ANK2: variants seen among roughly 807,000 people sequenced by gnomAD.
The protein encoded by ANK2 is ankyrin 2, also known as ankyrin-2.
Under a neutral mutation model 360.5 loss-of-function variants are expected in ANK2, and 83 were observed. That is an observed-to-expected ratio of 0.23 (90% CI 0.19 to 0.28). The LOEUF (loss-of-function observed/expected upper bound fraction) is 0.28, where lower values mean the gene tolerates loss of function less well. ANK2 is among the 10% of genes least tolerant of loss of function. ANK2 has a pLI of 1.00. For missense variants in ANK2, 4,201 were observed against 4,795.7 expected (o/e 0.88, Z 3.66); for synonymous variants, 1,740 against 1,759.5 (o/e 0.99, Z 0.28).
chr4:113,317,767 C>T lies in ANK2; in HGVS notation c.2754C>T (p.Asp918=), dbSNP rs1445606491. 11 of 1,614,146 alleles carry T rather than the reference C, an allele frequency of 6.8e-6. 1 individual carries two copies. Among genetic ancestry groups the T allele is most frequent in the Non-Finnish European group, 7.6e-6 (9 of 1,180,008 alleles). The change falls in exon 25 of 46, where the codon GAC becomes GAT. Residue 918 remains aspartate (D), a synonymous_variant. Coordinates refer to ENST00000357077, the MANE Select transcript of ANK2 (RefSeq NM_001148.6). Reference sequence around the variant, plus strand: ...TGAGCCATGCCTCCTACCTGAGGGACAGTGCCGTGATGGATGACTCAGTTG... The same window carrying T: ...TGAGCCATGCCTCCTACCTGAGGGATAGTGCCGTGATGGATGACTCAGTTG... ...HTLSHASYLR[D]SAVMDDSVVI...
intron 2 of ANK2, among the ~76,000 whole-genome samples, chr4:113,025,615 G>A (rs932406143): frequency 3.9e-5 from 6 of 152,136 alleles, no homozygotes; most frequent in Admixed American, 3.9e-4. Context: ...CAAAATGAAT[G>A]CAACTCTCTC....
intron 1 of ANK2, among the ~76,000 whole-genome samples, chr4:113,156,631 G>A (rs960077254): frequency 6.6e-6 from 1 of 151,788 alleles, no homozygotes; most frequent in Non-Finnish European, 1.5e-5. Context: ...CCAAAGTGCT[G>A]GGATTACAGG....
intron 23 of ANK2, among the ~76,000 whole-genome samples, chr4:113,305,638 A>G (rs2076952425): frequency 6.6e-6 from 1 of 152,196 alleles, no homozygotes; most frequent in Non-Finnish European, 1.5e-5. Flanking sequence ...TTTCATGGAA[A>G]AAATTAGTGT....
chr4:113,262,063 A>C (rs529034258), intron 13 of ANK2, among the ~76,000 whole-genome samples: 4 of 152,270 alleles, frequency 2.6e-5, no homozygotes, highest in South Asian at 2.1e-4. Context: ...TACATAAATA[A>C]ATAAATAATA....
At chr4:113,189,184 A>G (rs2098606086) in intron 2 of ANK2, among the ~76,000 whole-genome samples, 2 of 152,166 alleles carry the variant, frequency 1.3e-5, no homozygotes, top group Non-Finnish European at 2.9e-5. Context: ...TCTCAGACAT[A>G]CCTGAAATTG....
chr4:113,363,370 C>A lies in ANK2; in HGVS notation c.10789C>A (p.Gln3597Lys). 1 of 1,613,366 alleles carries A rather than the reference C, an allele frequency of 6.2e-7. No individual in the cohort carries two copies. The highest frequency in any genetic ancestry group is 8.5e-7 in the Non-Finnish European group (1 of 1,179,606). ...AAGAGAACTGGATTTCACTGAGGAGCAAATTCATCAAATTCGAATTGAAAA... is the reference window on the plus strand; with the variant it reads ...AAGAGAACTGGATTTCACTGAGGAGAAAATTCATCAAATTCGAATTGAAAA... ...LARELDFTEE[Q>K]IHQIRIENPN... is the part of the protein sequence containing the mutation. Residue 3597 changes from glutamine to lysine, a missense_variant, in exon 40 of 46, where the codon CAA (glutamine) becomes AAA (lysine). Physicochemically the swap from Gln to Lys is moderately conservative, Grantham distance 53. Coordinates refer to ENST00000357077, the MANE Select transcript of ANK2 (RefSeq NM_001148.6).
intron 1 of ANK2, among the ~76,000 whole-genome samples, chr4:112,861,887 G>A (rs970563906): frequency 7.5e-6 from 1 of 132,856 alleles, no homozygotes. Context: ...CAGTTTATGC[G>A]AGAGTCACAG....
the ANK2 span, among the ~76,000 whole-genome samples, chr4:112,809,260 G>T: frequency 6.7e-6 from 1 of 148,358 alleles, no homozygotes; most frequent in African/African-American, 2.5e-5. Context: ...ATGTTAAATG[G>T]TTAGAAATAA....
chr4:112,999,987 G>A (rs2050048424), intron 2 of ANK2, among the ~76,000 whole-genome samples: 1 of 152,140 alleles, frequency 6.6e-6, no homozygotes, highest in African/African-American at 2.4e-5. Context: ...TGTAACTCAT[G>A]AAAGACAGAT....
intron 45 of ANK2, chr4:113,373,665 G>A (rs150717693): frequency 1.3e-6 from 1 of 748,444 alleles, no homozygotes; most frequent in East Asian, 2.5e-5. Context: ...CATTGTTTTT[G>A]TTTGGTCTTT....
rs991494895 is a variant in ANK2 at position 113,357,034 on chromosome 4, G to T, written c.8416G>T (p.Val2806Phe). The stretch of plus-strand genomic sequence containing the variant: ...TGGTGATGATGTTGATGAACAGCCA[G>T]TCATCTATAAAGAATCATTAGCTCT... ...PTGDDVDEQP[V>F]IYKESLALQG... is the part of the protein sequence containing the mutation. Residue 2806 changes from valine (V) to phenylalanine (F), a missense_variant, in exon 38 of 46, where the codon GTC (valine) becomes TTC (phenylalanine). By Grantham distance (50) the Val-to-Phe change is conservative (BLOSUM62 -1). Around this residue, in one of 4 missense-constraint regions of ANK2, gnomAD observed 2,642 missense variants for 2,714.5 expected, o/e 0.97. Coordinates refer to ENST00000357077, the MANE Select transcript of ANK2 (RefSeq NM_001148.6). 1 of 1,614,032 alleles carries T rather than the reference G, an allele frequency of 6.2e-7. No individual in the cohort carries two copies. The highest frequency in any genetic ancestry group is 2.2e-5 in the East Asian group (1 of 44,854).
At chr4:113,007,806 A>G (rs1465577497) in intron 2 of ANK2, among the ~76,000 whole-genome samples, 1 of 152,190 alleles carries the variant, frequency 6.6e-6, no homozygotes, top group Non-Finnish European at 1.5e-5. Context: ...GCACTTGACT[A>G]GTCTTAACAA....
In ANK2 at chr4:113,134,281, CTTTTTTT is replaced by C. The variant is rs5861124; in HGVS notation, c.85-40117_85-40111del. ...AGCTCTAAAATTTCCTGAAAGTTGTCTTTTTTTTTTTTTTTTTTTTTTTTCTCACTGC... is the reference window on the plus strand; with the variant it reads ...AGCTCTAAAATTTCCTGAAAGTTGTCTTTTTTTTTTTTTTTTTCTCACTGC... On this transcript the variant is annotated intron_variant, in intron 1 of 45. Coordinates refer to ENST00000357077, the MANE Select transcript of ANK2 (RefSeq NM_001148.6). Among the ~76,000 whole-genome samples, 253 of 86,096 alleles carry C rather than the reference CTTTTTTT, an allele frequency of 2.9e-3. 3 individuals are homozygous for C. Among genetic ancestry groups the C allele is most frequent in the Admixed American group, 2.6e-3 (20 of 7,700 alleles). The allele number at this position is 86,096 out of a possible 152,430, so 56.5% of individuals were successfully genotyped here.
chr4:113,282,695 T>C lies in ANK2; in HGVS notation c.1902T>C (p.His634=). 1 of 1,613,296 alleles carries C rather than the reference T, an allele frequency of 6.2e-7. No homozygotes were observed. The change falls in exon 18 of 46, where the codon CAT becomes CAC. Residue 634 remains histidine (H), a synonymous_variant. Transcript: ENST00000357077. ...ATAKNGYTPL[H]IAAKKNQMQI... ...TTTAGAATGGCTATACTCCGTTACA[T>C]ATTGCTGCCAAGAAGAATCAAATGC...
chr4:113,149,165 G>A (rs2096942661), intron 1 of ANK2: 1 of 152,244 alleles, frequency 6.6e-6, no homozygotes, highest in Admixed American at 6.5e-5. Flanking sequence ...GCCCTGAAGT[G>A]AACAAGGATG....
chr4:113,126,976 T>C (rs962776187), intron 1 of ANK2, among the ~76,000 whole-genome samples: 1 of 152,204 alleles, frequency 6.6e-6, no homozygotes, highest in African/African-American at 2.4e-5. Flanking sequence ...ATGTATTCTT[T>C]AGTAAGTTGT....
In ANK2 at chr4:112,916,743, T is replaced by C. The variant is rs537985685; in HGVS notation, c.21+12229T>C. 9.1e-4 allele frequency among the ~76,000 whole-genome samples: 138 copies of C among 152,312 alleles called. 1 individual carries two copies. Among genetic ancestry groups the C allele is most frequent in the African/African-American group, 3.2e-3 (132 of 41,570 alleles). On this transcript the variant is annotated intron_variant, in intron 2 of 30. Coordinates refer to the ANK2 transcript ENST00000503271. ...AAAACTCTGATACACATTTGTCAGA[T>C]AAATGAATAGGTGAGAATTTATGAG...
intron 2 of ANK2, among the ~76,000 whole-genome samples, chr4:112,932,564 C>T (rs2093359942): frequency 6.7e-6 from 1 of 148,862 alleles, no homozygotes; most frequent in African/African-American, 2.5e-5. Flanking sequence ...TTTCATTCTG[C>T]AGCTGTGACT....
intron 2 of ANK2, among the ~76,000 whole-genome samples, chr4:113,175,230 T>C (rs1352476885): frequency 6.6e-6 from 1 of 152,198 alleles, no homozygotes; most frequent in Non-Finnish European, 1.5e-5. Flanking sequence ...AATTTTAAGT[T>C]AAAAGGAGGT....
Sources: gnomAD v4.1 joint callset for allele counts (sites outside exome capture counted in the v4.1 genomes callset) on GRCh38, gnomAD v4.1.1 for gene constraint, gnomAD v4.1.1 regional missense constraint, MANE v1.5 for transcripts, NCBI Gene and HGNC (gene_info 2026-07-23, HGNC 2026-07-21) for gene names.